Variants in COL24A1 observed in about 807,000 individuals in gnomAD.
The protein encoded by COL24A1 is collagen alpha-1(XXIV) chain.
A neutral mutation model predicts 253.9 loss-of-function variants in COL24A1; 224 were observed. That is an observed-to-expected ratio of 0.88 (90% CI 0.79 to 0.99). The LOEUF is 0.99. Among genes scored for constraint, COL24A1 ranks in the 50% least tolerant of loss-of-function variants. The probability of loss-of-function intolerance (pLI) is 0.00; values close to 1 mark genes in which losing one functional copy is unlikely to be tolerated. For missense variants in COL24A1, 2,131 were observed against 2,068.5 expected, an observed-to-expected ratio of 1.03 and a Z score of -0.59; for synonymous variants, 685 against 673.7, an observed-to-expected ratio of 1.02 and a Z score of -0.26.
At chr1:85,867,659 T>C (rs1014793173) in intron 37 of COL24A1, among the ~76,000 whole-genome samples, 4 of 151,680 alleles carry the variant, frequency 2.6e-5, no homozygotes, top group African/African-American at 7.3e-5. Flanking sequence ...AATGAAACAA[T>C]AGAATGACCA....
intron 24 of COL24A1, among the ~76,000 whole-genome samples, chr1:85,927,006 C>A (rs899259324): frequency 1.3e-5 from 2 of 152,098 alleles, no homozygotes; most frequent in African/African-American, 4.8e-5. Flanking sequence ...CCTGTAGGAA[C>A]AATTTCAGTA....
intron 28 of COL24A1, 92 bp from the exon 29 acceptor site, chr1:85,896,501 ATTT>A: frequency 2.2e-6 from 2 of 905,896 alleles, no homozygotes; most frequent in South Asian, 1.7e-5. Flanking sequence ...CATGTTGATG[ATTT>A]TTTTTTTTTG....
intron 12 of COL24A1, among the ~76,000 whole-genome samples, chr1:86,036,314 T>C (rs1289487368): frequency 6.6e-6 from 1 of 152,110 alleles, no homozygotes; most frequent in Non-Finnish European, 1.5e-5. Flanking sequence ...CTTCTCACTT[T>C]ATTACTCATT....
chr1:86,105,994 G>A (rs2102085692), intron 5 of COL24A1, among the ~76,000 whole-genome samples: 1 of 152,282 alleles, frequency 6.6e-6, no homozygotes, highest in South Asian at 2.1e-4. Flanking sequence ...TTAGGAGTGT[G>A]CCAGTCATCC....
chr1:85,772,937 C>T (rs1430747149), intron 53 of COL24A1, among the ~76,000 whole-genome samples: 1 of 152,196 alleles, frequency 6.6e-6, no homozygotes, highest in Non-Finnish European at 1.5e-5. Context: ...GAGATGAAGT[C>T]TTTGCCCATG....
intron 32 of COL24A1, among the ~76,000 whole-genome samples, chr1:85,884,869 G>T (rs1312480460): frequency 1.3e-5 from 2 of 152,160 alleles, no homozygotes; most frequent in Non-Finnish European, 2.9e-5. Flanking sequence ...GTAAGAACCT[G>T]TTAGGGCTCT....
chr1:85,779,178 T>C (rs1344219037), intron 52 of COL24A1, among the ~76,000 whole-genome samples: 1 of 152,030 alleles, frequency 6.6e-6, no homozygotes, highest in Non-Finnish European at 1.5e-5. Flanking sequence ...AGCTAATTTA[T>C]TTTTATATGA....
chr1:86,079,169 A>C (rs1431773965), intron 7 of COL24A1, among the ~76,000 whole-genome samples: 2 of 152,164 alleles, frequency 1.3e-5, no homozygotes, highest in Non-Finnish European at 2.9e-5. Context: ...CAGTGAACTC[A>C]TTTTCGACAA....
intron 24 of COL24A1, among the ~76,000 whole-genome samples, chr1:85,917,395 T>C (rs191488138): frequency 6.6e-6 from 1 of 152,284 alleles, no homozygotes; most frequent in Admixed American, 6.5e-5. Flanking sequence ...CATTTATGTG[T>C]TCATGTTTTG....
At chr1:85,878,638 A>G (rs1177939615) in intron 32 of COL24A1, among the ~76,000 whole-genome samples, 1 of 152,208 alleles carries the variant, frequency 6.6e-6, no homozygotes, top group Non-Finnish European at 1.5e-5. Flanking sequence ...GAGTATGCCT[A>G]GCTTCTTAAA....
chr1:85,740,687 C>T (rs1003856003), intron 57 of COL24A1, among the ~76,000 whole-genome samples: 14 of 151,482 alleles, frequency 9.2e-5, no homozygotes, highest in Non-Finnish European at 1.3e-4. Context: ...CAAACTGATC[C>T]GAAAAAAATG....
At chr1:85,934,594 AAAATAT>A (rs1688093554) in intron 24 of COL24A1, among the ~76,000 whole-genome samples, 2 of 152,210 alleles carry the variant, frequency 1.3e-5, no homozygotes, top group Admixed American at 1.3e-4. Flanking sequence ...ACTAATAACT[AAAATAT>A]AAAGTAGATA....
intron 47 of COL24A1, among the ~76,000 whole-genome samples, chr1:85,788,847 G>A (rs949177588): frequency 4.6e-5 from 7 of 152,062 alleles, no homozygotes; most frequent in Non-Finnish European, 7.4e-5. Flanking sequence ...TTTTTGTCAG[G>A]TTTTTCAAAG....
chr1:86,119,162 C>T (rs1161357087), intron 3 of COL24A1, among the ~76,000 whole-genome samples: 3 of 152,030 alleles, frequency 2.0e-5, no homozygotes, highest in Non-Finnish European at 4.4e-5. Context: ...ACAAAAAGCA[C>T]CAAAAGAAGA....
chr1:86,013,910 A>T (rs1468231717), intron 19 of COL24A1, among the ~76,000 whole-genome samples: 1 of 152,180 alleles, frequency 6.6e-6, no homozygotes, highest in Non-Finnish European at 1.5e-5. Context: ...AAATTATTTT[A>T]TTAGTCCGCA....
At chr1:85,795,942 G>A (rs1372896236) in intron 47 of COL24A1, among the ~76,000 whole-genome samples, 1 of 152,010 alleles carries the variant, frequency 6.6e-6, no homozygotes, top group Non-Finnish European at 1.5e-5. Context: ...ATCCCTTCCT[G>A]CAAAGGATTG....
At chr1:85,766,421 A>G (rs1006451554) in intron 53 of COL24A1, among the ~76,000 whole-genome samples, 7 of 150,246 alleles carry the variant, frequency 4.7e-5, no homozygotes, top group Non-Finnish European at 8.9e-5. Flanking sequence ...AAAAGAAAAT[A>G]TATATGAATC....
intron 32 of COL24A1, among the ~76,000 whole-genome samples, chr1:85,879,602 A>T (rs1028391616): frequency 1.3e-5 from 2 of 152,204 alleles, no homozygotes; most frequent in Non-Finnish European, 2.9e-5. Context: ...CCTACTGTTG[A>T]CTGGATGCCT....
chr1:85,978,813 T>A (rs1330304332), intron 20 of COL24A1, among the ~76,000 whole-genome samples: 1 of 152,106 alleles, frequency 6.6e-6, no homozygotes, highest in East Asian at 1.9e-4. Context: ...GAAAGTGAAC[T>A]TCATCTATGC....
Sources: gnomAD v4.1 joint callset for allele counts (sites outside exome capture counted in the v4.1 genomes callset) on GRCh38, gnomAD v4.1.1 for gene constraint, MANE v1.5 for transcripts, NCBI Gene and HGNC (gene_info 2026-07-23, HGNC 2026-07-21) for gene names.